The following TRPS1 variants were observed in gnomAD, a reference collection of about 807,000 sequenced individuals.
TRPS1 encodes transcriptional repressor GATA binding 1.
In TRPS1, 6 loss-of-function variants were observed where a neutral mutation model predicts 101.2. The ratio of observed to expected loss-of-function variants is 0.06; its 90% CI spans 0.03 to 0.12. The LOEUF is 0.12. Ranked by LOEUF, TRPS1 falls within the 10% of genes least tolerant of loss-of-function variation. The probability of loss-of-function intolerance (pLI) is 1.00; values close to 1 mark genes in which losing one functional copy is unlikely to be tolerated. For synonymous variants in TRPS1, 578 were observed against 589.8 expected (o/e 0.98, Z 0.29); for missense variants, 1,363 against 1,567.0 (o/e 0.87, Z 2.20).
intron 3 of TRPS1, among the ~76,000 whole-genome samples, chr8:115,613,122 C>A (rs2130515607): frequency 6.6e-6 from 1 of 152,222 alleles, no homozygotes; most frequent in Non-Finnish European, 1.5e-5. Context: ...CAAAAAAAGT[C>A]AAACACCTGG....
intron 1 of TRPS1, among the ~76,000 whole-genome samples, chr8:115,656,180 T>C (rs1362646237): frequency 1.3e-5 from 2 of 152,162 alleles, no homozygotes; most frequent in African/African-American, 2.4e-5. Flanking sequence ...TGTTTTCTAG[T>C]AGTATTCAAG....
intron 5 of TRPS1, among the ~76,000 whole-genome samples, chr8:115,570,378 A>T (rs372986533): frequency 2.4e-4 from 36 of 152,124 alleles, no homozygotes; most frequent in Admixed American, 2.4e-3. Context: ...AGTCTCATAC[A>T]GCAAATAAAA....
chr8:115,590,049 G>A (rs557018062), intron 4 of TRPS1, among the ~76,000 whole-genome samples: 13 of 152,004 alleles, frequency 8.6e-5, no homozygotes, highest in South Asian at 4.2e-4. Flanking sequence ...CCTGGGAGGC[G>A]GAGGTTGCAG....
At chr8:115,583,382 CTT>C (rs1379220973) in intron 5 of TRPS1, among the ~76,000 whole-genome samples, 1 of 16,964 alleles carries the variant, frequency 5.9e-5, no homozygotes, top group African/African-American at 1.8e-3. Context: ...AAATAATTTA[CTT>C]ATACTGTTGG....
rs544192454 is a variant in TRPS1 at position 115,411,538 on chromosome 8, A to G, written c.*2485T>C. 2.0e-5 allele frequency: 3 copies of G among 152,512 alleles called. No individual in the cohort carries two copies. Among genetic ancestry groups the G allele is most frequent in the Non-Finnish European group, 4.4e-5 (3 of 67,948 alleles). 9.4% of individuals were successfully genotyped at this position (152,512 alleles called of 1,614,324 possible). A position where few individuals can be genotyped will look rare whatever the true frequency, so the allele number is the denominator to read the frequency against. ...AAAATTAAATATTGTTGTTTGGGGG[A>G]ATCTCCTCTCTTTTTTAGATCTTTA... On this transcript the variant is annotated 3_prime_UTR_variant, in exon 7 of 7. Transcript: ENST00000395715.
In TRPS1 at chr8:115,415,175, A is replaced by T. The variant is rs75175270; in HGVS notation, c.2824-91T>A. ...TTCCTCACAAATATAAACCATGCTT[A>T]AGTTCAAAGCAGGGATAGGCTTTCT... On this transcript the variant is annotated intron_variant, in intron 6 of 6. Transcript: ENST00000395715. 195 of 1,355,384 alleles carry T rather than the reference A, an allele frequency of 1.4e-4. 2 individuals carry two copies. In the African/African-American group the frequency reaches 2.5e-3, roughly 18 times the overall value. 84.0% of individuals were successfully genotyped at this position (1,355,384 alleles called of 1,614,324 possible).
intron 1 of TRPS1, chr8:115,668,046 T>G: frequency 1.5e-6 from 1 of 671,236 alleles, no homozygotes. Flanking sequence ...GGAGTGGGGC[T>G]GCGAGGGGGA....
intron 5 of TRPS1, among the ~76,000 whole-genome samples, chr8:115,487,755 A>G (rs1281970242): frequency 6.6e-6 from 1 of 152,252 alleles, no homozygotes; most frequent in East Asian, 1.9e-4. Flanking sequence ...TCATGATAAC[A>G]TTTGAACCAA....
chr8:115,467,292 C>T (rs1351082905), intron 5 of TRPS1, among the ~76,000 whole-genome samples: 1 of 152,016 alleles, frequency 6.6e-6, no homozygotes, highest in Non-Finnish European at 1.5e-5. Context: ...CTGTGGAAGG[C>T]AAGTGGCAAA....
chr8:115,659,443 A>G (rs1027903119), intron 1 of TRPS1, among the ~76,000 whole-genome samples: 2 of 151,804 alleles, frequency 1.3e-5, no homozygotes, highest in Non-Finnish European at 2.9e-5. Context: ...AACACAGGTA[A>G]AACATATCAT....
rs1554620719 is a variant in TRPS1, at chr8:115,441,898, A to AGAGAGTGTGT, written c.2701-23447_2701-23446insACACACTCTC. On this transcript the variant is annotated intron_variant, in intron 5 of 6. Transcript: ENST00000395715. ...GAGAGAGAGAGAGAGAGAGAGAGAG[A>AGAGAGTGTGT]GTGTGTGTGTGTGTGTGTGTGTGTG... Among the ~76,000 whole-genome samples the AGAGAGTGTGT allele has an allele frequency of 4.4e-3, 512 of 116,182 alleles. 4 individuals carry two copies. The highest frequency in any genetic ancestry group is 0.017 in the African/African-American group (500 of 29,274). The allele number at this position is 116,182 out of a possible 152,430, so 76.2% of individuals were successfully genotyped here. A position where few individuals can be genotyped will look rare whatever the true frequency, so the allele number is the denominator to read the frequency against.
At chr8:115,509,716 C>G (rs1217949450) in intron 5 of TRPS1, 5 of 151,972 alleles carry the variant, frequency 3.3e-5, no homozygotes, top group Non-Finnish European at 7.4e-5. Flanking sequence ...TCCTAGTAGG[C>G]TGAGCTCGAC....
chr8:115,560,744 A>C (rs1816926946), intron 5 of TRPS1, among the ~76,000 whole-genome samples: 1 of 152,082 alleles, frequency 6.6e-6, no homozygotes, highest in African/African-American at 2.4e-5. Flanking sequence ...TTACAATGCT[A>C]CCTGGCAGAC....
chr8:115,567,528 T>C (rs531684966), intron 5 of TRPS1, among the ~76,000 whole-genome samples: 291 of 152,210 alleles, frequency 1.9e-3, no homozygotes, highest in African/African-American at 6.8e-3. Flanking sequence ...ATACCAAATC[T>C]TCCTAAATAT....
intron 1 of TRPS1, 154 bp downstream of exon 1, chr8:115,668,391 G>C (rs1811982928): frequency 8.4e-6 from 1 of 119,332 alleles, no homozygotes; most frequent in Admixed American, 9.9e-5. Flanking sequence ...TTAATTCCCA[G>C]GGCTCCCCGC....
intron 1 of TRPS1, among the ~76,000 whole-genome samples, chr8:115,626,448 G>C (rs1818511442): frequency 6.6e-6 from 1 of 151,642 alleles, no homozygotes; most frequent in Admixed American, 6.6e-5. Context: ...AGATTCCAAG[G>C]CAATACTTCA....
intron 5 of TRPS1, among the ~76,000 whole-genome samples, chr8:115,539,371 A>T (rs1397952133): frequency 6.6e-6 from 1 of 152,150 alleles, no homozygotes; most frequent in African/African-American, 2.4e-5. Flanking sequence ...CAGCTATCTA[A>T]TTTTTGCACC....
chr8:115,619,044 T>C (rs969996530), intron 3 of TRPS1, 88 bp downstream of exon 3: 1 of 1,445,928 alleles, frequency 6.9e-7, no homozygotes, highest in Non-Finnish European at 9.5e-7. Context: ...TGTCTGGTAC[T>C]GGGACCTTGG....
intron 1 of TRPS1, among the ~76,000 whole-genome samples, chr8:115,656,412 G>T (rs16887613): frequency 0.061 from 9,239 of 151,982 alleles, 381 homozygotes; most frequent in South Asian, 0.12. Context: ...CCTGTGTCTG[G>T]GCAGTATTTT....
Sources: gnomAD v4.1 joint callset for allele counts (sites outside exome capture counted in the v4.1 genomes callset) on GRCh38, gnomAD v4.1.1 for gene constraint, MANE v1.5 for transcripts, NCBI Gene and HGNC (gene_info 2026-07-23, HGNC 2026-07-21) for gene names.